Variants in USP48 observed in about 807,000 individuals in gnomAD.
USP48 encodes the protein ubiquitin carboxyl-terminal hydrolase 48.
USP48 carries 43 observed loss-of-function variants against 150.7 expected under a neutral mutation model. The ratio of observed to expected loss-of-function variants is 0.29; its 90% CI spans 0.22 to 0.37. The LOEUF (loss-of-function observed/expected upper bound fraction) is 0.37, where lower values mean the gene tolerates loss of function less well. Ranked by LOEUF, USP48 falls within the 10% of genes least tolerant of loss-of-function variation. The probability of loss-of-function intolerance (pLI) is 1.00; values close to 1 mark genes in which losing one functional copy is unlikely to be tolerated. For synonymous variants in USP48, 396 were observed against 425.9 expected, an observed-to-expected ratio of 0.93 and a Z score of 0.86; for missense variants, 813 against 1,249.6, an observed-to-expected ratio of 0.65 and a Z score of 5.27.
chr1:21,733,318 G>A (rs1443681776), intron 9 of USP48, among the ~76,000 whole-genome samples: 2 of 152,128 alleles, frequency 1.3e-5, no homozygotes, highest in Non-Finnish European at 2.9e-5. Context: ...TCAGGAGGCT[G>A]AAGCAGGAGA....
At chr1:21,776,810 C>A (rs958782369) in intron 1 of USP48, among the ~76,000 whole-genome samples, 3 of 151,864 alleles carry the variant, frequency 2.0e-5, no homozygotes, top group African/African-American at 4.8e-5. Flanking sequence ...AAAAATTAGC[C>A]GGGCGTGGTG....
chr1:21,696,657 C>T (rs991254469), intron 22 of USP48, among the ~76,000 whole-genome samples: 7 of 152,042 alleles, frequency 4.6e-5, no homozygotes, highest in African/African-American at 9.7e-5. Flanking sequence ...AGGTAGGACA[C>T]TGTCTTTATT....
At chr1:21,699,706 G>C (rs968590909) in intron 22 of USP48, among the ~76,000 whole-genome samples, 6 of 151,128 alleles carry the variant, frequency 4.0e-5, no homozygotes, top group Non-Finnish European at 7.4e-5. Context: ...TAGTAGAGAC[G>C]GGTTTCACTA....
intron 1 of USP48, among the ~76,000 whole-genome samples, chr1:21,759,204 A>AAG (rs1553143711): frequency 1.1e-4 from 16 of 141,960 alleles, no homozygotes; most frequent in Non-Finnish European, 1.5e-4. Flanking sequence ...AAAAAAAAAA[A>AAG]AGGAATCAAC....
Position 21,757,798 on chromosome 1 carries a change from A to C in USP48, c.135-15T>G, listed in dbSNP as rs1165616082. 1 of 1,572,602 alleles carries C rather than the reference A, an allele frequency of 6.4e-7. No individual in the cohort carries two copies. Among genetic ancestry groups the C allele is most frequent in the Middle Eastern group, 1.7e-4 (1 of 5,858 alleles). On this transcript the variant is annotated splice_polypyrimidine_tract_variant and intron_variant, in intron 1 of 26. Coordinates refer to ENST00000308271, the MANE Select transcript of USP48 (RefSeq NM_032236.8). ...TGCAGTTTCGTCTAAGGGGAAAAAA[A>C]AAACCTTTAATTTTTAAAAGACCAT... is the stretch of plus-strand genomic sequence containing the variant.
At chr1:21,680,941 C>T in intron 25 of USP48, 107 bp from the exon 26 acceptor site, 1 of 771,336 alleles carries the variant, frequency 1.3e-6, no homozygotes. Flanking sequence ...CTTTTGATTA[C>T]CTTTGTCACC....
chr1:21,690,164 A>C (rs1558991454), intron 23 of USP48, 65 bp from the exon 24 acceptor site: 1 of 1,462,792 alleles, frequency 6.8e-7, no homozygotes, highest in Middle Eastern at 1.9e-4. Context: ...ACCCTATTTA[A>C]ATAAATTATG....
At chr1:21,686,655 G>A (rs894691875) in intron 25 of USP48, 1 of 153,368 alleles carries the variant, frequency 6.5e-6, no homozygotes, top group African/African-American at 2.4e-5. Context: ...AAAGGGCTAA[G>A]AGATGGTCTC....
At chr1:21,742,318 T>C (rs945256651) in intron 8 of USP48, among the ~76,000 whole-genome samples, 1 of 151,874 alleles carries the variant, frequency 6.6e-6, no homozygotes, top group Non-Finnish European at 1.5e-5. Flanking sequence ...CTGAGACAGG[T>C]GGATCACCTG....
chr1:21,682,756 T>C (rs1167441538), intron 25 of USP48, among the ~76,000 whole-genome samples: 1 of 151,838 alleles, frequency 6.6e-6, no homozygotes, highest in Admixed American at 6.6e-5. Context: ...GCGCCTGTAG[T>C]CCCAGCTACT....
intron 13 of USP48, 56 bp from the exon 14 acceptor site, chr1:21,721,222 C>T (rs2097720010): frequency 6.3e-7 from 1 of 1,588,046 alleles, no homozygotes; most frequent in African/African-American, 1.3e-5. Flanking sequence ...ACACTGTCCT[C>T]CCTTCTTTGC....
At chr1:21,730,387 A>G (rs1412001315) in intron 9 of USP48, among the ~76,000 whole-genome samples, 3 of 149,886 alleles carry the variant, frequency 2.0e-5, no homozygotes, top group Non-Finnish European at 3.0e-5. Context: ...GGTTGCAGTG[A>G]GCCGAGATCA....
intron 8 of USP48, 84 bp from the exon 9 acceptor site, chr1:21,736,709 T>C: frequency 8.4e-7 from 1 of 1,184,966 alleles, no homozygotes; most frequent in Non-Finnish European, 1.1e-6. Flanking sequence ...TGATTACGAA[T>C]CTTTACACAT....
rs1293996403 is a variant in USP48 at position 21,678,587 on chromosome 1, A to T, written c.*830T>A. The T allele has an allele frequency of 6.6e-6, 1 of 152,150 alleles. No homozygotes were observed. Among genetic ancestry groups the T allele is most frequent in the Non-Finnish European group, 1.5e-5 (1 of 68,014 alleles). The allele number at this position is 152,150 out of a possible 1,614,324, so 9.4% of individuals were successfully genotyped here. A position where few individuals can be genotyped will look rare whatever the true frequency, so the allele number is the denominator to read the frequency against. ...ATCCAAATGTACTTCAGTCTGATTT[A>T]CTCTTCTGATAGGTAGTCAGATTTT... On this transcript the variant is annotated 3_prime_UTR_variant, in exon 27 of 27. Transcript: ENST00000308271.
At chr1:21,755,744 A>G (rs1355532836) in intron 3 of USP48, among the ~76,000 whole-genome samples, 1 of 152,134 alleles carries the variant, frequency 6.6e-6, no homozygotes, top group African/African-American at 2.4e-5. Context: ...GGTAAAAGCT[A>G]TTCAAGGCCT....
rs779031013 is a variant in USP48 at position 21,681,103 on chromosome 1, G to C, written c.3059-269C>G. 2.2e-5 allele frequency: 7 copies of C among 311,114 alleles called. No homozygotes were observed. The Admixed American group carries it at 2.7e-4, about 12-fold the overall frequency. The allele number at this position is 311,114 out of a possible 1,614,324, so 19.3% of individuals were successfully genotyped here. On this transcript the variant is annotated intron_variant, in intron 25 of 26. Coordinates refer to ENST00000308271, the MANE Select transcript of USP48 (RefSeq NM_032236.8). ...AGGGCACACCTAGTGCACGACTCTA[G>C]GAGTGGCCTGGGAGGAAGCCATGTA...
At chr1:21,771,757 T>C (rs890530944) in intron 1 of USP48, among the ~76,000 whole-genome samples, 10 of 151,116 alleles carry the variant, frequency 6.6e-5, no homozygotes, top group East Asian at 1.9e-4. Flanking sequence ...CCGTCTCTAC[T>C]AAAAACACAA....
At chr1:21,690,179 G>T in intron 23 of USP48, 80 bp from the exon 24 acceptor site, 10 of 1,197,638 alleles carry the variant, frequency 8.3e-6, no homozygotes, top group South Asian at 4.3e-5. Context: ...ATTATGCATG[G>T]ATTCTTAAAA....
chr1:21,686,952 C>G, intron 25 of USP48: 1 of 516,748 alleles, frequency 1.9e-6, no homozygotes, highest in Non-Finnish European at 3.4e-6. Flanking sequence ...TCTTGTTGAC[C>G]TCCTCCACAG....
Sources: allele counts gnomAD v4.1 joint callset (sites outside exome capture counted in the v4.1 genomes callset), GRCh38; gene constraint gnomAD v4.1.1; transcripts MANE v1.5; gene names NCBI Gene and HGNC (gene_info 2026-07-23, HGNC 2026-07-21).